The following ATP5ME variants were observed in gnomAD, a reference collection of about 807,000 sequenced individuals.
ATP5ME encodes ATP synthase F(0) complex subunit e, mitochondrial.
ATP5ME carries 10 observed loss-of-function variants against 11.6 expected under a neutral mutation model. The observed-to-expected ratio is 0.86, with a 90% confidence interval of 0.53 to 1.46. The LOEUF is 1.46. Among genes scored for constraint, ATP5ME ranks in the 40% most tolerant of loss-of-function variants. The probability of loss-of-function intolerance (pLI) is 0.00; values close to 1 mark genes in which losing one functional copy is unlikely to be tolerated. For synonymous variants in ATP5ME, 45 were observed against 33.5 expected, an observed-to-expected ratio of 1.34 and a Z score of -1.19; for missense variants, 115 against 85.4, an observed-to-expected ratio of 1.35 and a Z score of -1.37.
chr4:672,861 C>A (rs559179114), intron 3 of ATP5ME, among the ~76,000 whole-genome samples: 1 of 152,244 alleles, frequency 6.6e-6, no homozygotes, highest in South Asian at 2.1e-4. Context: ...AATTCTCATG[C>A]CTCAGCTTTC....
chr4:673,110 C>G (rs1456199512), intron 3 of ATP5ME, among the ~76,000 whole-genome samples, 193 bp downstream of exon 3: 2 of 152,252 alleles, frequency 1.3e-5, no homozygotes, highest in East Asian at 1.9e-4. Flanking sequence ...TCTTGAACTC[C>G]TAACCTCAGG....
rs1274702474 is a variant in ATP5ME at position 673,895 on chromosome 4, C to G, written c.91+17G>C. The stretch of plus-strand genomic sequence containing the variant: ...AGCCGAGCAGACCCCGCCCCGGCCC[C>G]GCCCGCGGTCACTCACTGTAGCGCG... On this transcript the variant is annotated intron_variant, in intron 2 of 3. Transcript: ENST00000304312. 1.9e-6 allele frequency: 3 copies of G among 1,545,800 alleles called. No individual in the cohort carries two copies. Among genetic ancestry groups the G allele is most frequent in the African/African-American group, 1.4e-5 (1 of 73,140 alleles).
At chr4:674,062 G>A (rs13145071) in intron 1 of ATP5ME, 96 bp from the exon 2 acceptor site, 5 of 1,481,266 alleles carry the variant, frequency 3.4e-6, no homozygotes, top group Non-Finnish European at 4.5e-6. Context: ...AGAGGTCGCA[G>A]GAGGGGTGGG....
chr4:673,770 G>T, intron 2 of ATP5ME, 142 bp downstream of exon 2: 1 of 1,198,016 alleles, frequency 8.3e-7, no homozygotes, highest in Non-Finnish European at 1.2e-6. Context: ...CCACTATCGG[G>T]GTCACGCTCG....
At position 673,950 on chromosome 4, in the gene ATP5ME, G is replaced by A; in HGVS notation, c.53C>T (p.Ala18Val). The A allele has an allele frequency of 6.5e-7, 1 of 1,545,684 alleles. No individual in the cohort carries two copies. The highest frequency in any genetic ancestry group is 8.7e-7 in the Non-Finnish European group (1 of 1,146,816). Reference protein sequence around the residue: ...SPLIKLGRYSALFLGVAYGAT... With the variant: ...SPLIKLGRYSVLFLGVAYGAT... ...TCCGTAGGCCACACCGAGGAACAGG[G>A]CGGAGTAGCGGCCGAGCTGCGAAAG... Residue 18 changes from alanine to valine, a missense_variant, in exon 2 of 4, where the codon GCC (alanine) becomes GTC (valine). Coordinates refer to ENST00000304312, the MANE Select transcript of ATP5ME (RefSeq NM_007100.4).
At chr4:674,058 C>T in intron 1 of ATP5ME, 92 bp from the exon 2 acceptor site, 1 of 1,442,320 alleles carries the variant, frequency 6.9e-7, no homozygotes, top group South Asian at 1.3e-5. Context: ...GGGCAGAGGT[C>T]GCAGGAGGGG....
intron 2 of ATP5ME, 107 bp downstream of exon 2, chr4:673,805 C>G: frequency 7.1e-7 from 1 of 1,406,312 alleles, no homozygotes; most frequent in Non-Finnish European, 9.7e-7. Context: ...CCTGCAGCCT[C>G]GCATGCGTCC....
At chr4:673,533 G>T (rs548148271) in intron 2 of ATP5ME, 132 bp from the exon 3 acceptor site, 185 of 1,463,658 alleles carry the variant, frequency 1.3e-4, no homozygotes, top group Non-Finnish European at 1.5e-4. Context: ...TTATGTTAAT[G>T]CGAGTCAACG....
At chr4:672,840 C>G (rs540915856) in intron 3 of ATP5ME, among the ~76,000 whole-genome samples, 53 of 152,292 alleles carry the variant, frequency 3.5e-4, no homozygotes, top group African/African-American at 1.2e-3. Context: ...CTCCGCCTCC[C>G]GGGTTCAAGC....
Position 673,963 on chromosome 4 carries a change from C to T in ATP5ME, c.40G>A (p.Gly14Ser). ...PVQVSPLIKL[G>S]RYSALFLGVA... Reference sequence around the variant, plus strand: ...CCGAGGAACAGGGCGGAGTAGCGGCCGAGCTGCGAAAGAGGTTGGTCAGAG... The same window carrying T: ...CCGAGGAACAGGGCGGAGTAGCGGCTGAGCTGCGAAAGAGGTTGGTCAGAG... Residue 14 changes from glycine to serine, a missense_variant, in exon 2 of 4, where the codon GGC becomes AGC. Coordinates refer to ENST00000304312, the MANE Select transcript of ATP5ME (RefSeq NM_007100.4). 1 of 1,545,008 alleles carries T rather than the reference C, an allele frequency of 6.5e-7. No homozygotes were observed. Among genetic ancestry groups the T allele is most frequent in the South Asian group, 1.2e-5 (1 of 84,032 alleles).
At chr4:673,625 C>G in intron 2 of ATP5ME, 1 of 810,492 alleles carries the variant, frequency 1.2e-6, no homozygotes, top group Non-Finnish European at 1.9e-6. Context: ...CTCACTCGTC[C>G]TCTGCGAACA....
Position 673,376 on chromosome 4 carries a change from C to T in ATP5ME, c.117G>A (p.Glu39=), listed in dbSNP as rs780085696. ...RYNYLKPRAE[E]ERRIAAEEKK... ...TCTCTTCTGCTGCTATCCTCCTCTC[C>T]TCTTCTGCCCGAGGTTTTAGGTAAT... Residue 39 remains glutamate, a synonymous_variant, in exon 3 of 4, where the codon GAG becomes GAA. Coordinates refer to ENST00000304312, the MANE Select transcript of ATP5ME (RefSeq NM_007100.4). 1.2e-5 allele frequency: 20 copies of T among 1,614,188 alleles called. No homozygotes were observed. Among genetic ancestry groups the T allele is most frequent in the Non-Finnish European group, 1.7e-5 (20 of 1,180,026 alleles).
intron 1 of ATP5ME, 38 bp from the exon 2 acceptor site, chr4:674,004 G>A: frequency 1.3e-6 from 2 of 1,539,352 alleles, no homozygotes; most frequent in East Asian, 2.4e-5. Context: ...GCGAAACGGG[G>A]CTCGCGGGAC....
chr4:673,591 G>C lies in ATP5ME; in HGVS notation c.92-190C>G, dbSNP rs992142228. ...CCAACCCAGAGGCTACAGGGCCCCT[G>C]CTGCCCACCCGCTCACGCACTGGCT... On this transcript the variant is annotated intron_variant, in intron 2 of 3. Transcript: ENST00000304312. The C allele has an allele frequency of 1.9e-5, 19 of 1,003,260 alleles. 1 individual carries two copies. Among genetic ancestry groups the C allele is most frequent in the Middle Eastern group, 6.4e-4 (2 of 3,116 alleles). 62.1% of individuals were successfully genotyped at this position (1,003,260 alleles called of 1,614,324 possible).
At chr4:673,786 G>C (rs1027636252) in intron 2 of ATP5ME, 126 bp downstream of exon 2, 3 of 1,313,216 alleles carry the variant, frequency 2.3e-6, no homozygotes, top group Non-Finnish European at 3.2e-6. Flanking sequence ...GCTCGGTGGA[G>C]GACACGGTCC....
At chr4:673,736 G>A (rs1738641067) in intron 2 of ATP5ME, 176 bp downstream of exon 2, 10 of 1,029,018 alleles carry the variant, frequency 9.7e-6, no homozygotes, top group Non-Finnish European at 1.4e-5. Context: ...GGCCTCAGAA[G>A]CCTGAGCTTT....
intron 2 of ATP5ME, chr4:673,656 C>T: frequency 2.6e-6 from 2 of 756,596 alleles, no homozygotes; most frequent in Non-Finnish European, 4.3e-6. Flanking sequence ...CCCATCAAGA[C>T]CTCAGCACTC....
In ATP5ME at chr4:673,360, C is replaced by T. The variant is rs1351173289; in HGVS notation, c.133G>A (p.Ala45Thr). The part of the protein sequence containing the change: ...PRAEEERRIA[A>T]EEKKKQDELK... The stretch of plus-strand genomic sequence containing the variant: ...TCATCCTGCTTCTTCTTCTCTTCTG[C>T]TGCTATCCTCCTCTCCTCTTCTGCC... Residue 45 changes from alanine (A) to threonine (T), a missense_variant, in exon 3 of 4, where the codon GCA becomes ACA. By Grantham distance (58) the Ala-to-Thr change is moderately conservative. Coordinates refer to ENST00000304312, the MANE Select transcript of ATP5ME (RefSeq NM_007100.4). The T allele has an allele frequency of 6.2e-7, 1 of 1,614,188 alleles. No homozygotes were observed. Among genetic ancestry groups the T allele is most frequent in the Non-Finnish European group, 8.5e-7 (1 of 1,180,012 alleles).
At chr4:674,027 A>T in intron 1 of ATP5ME, 61 bp from the exon 2 acceptor site, 1 of 930,856 alleles carries the variant, frequency 1.1e-6, no homozygotes, top group Non-Finnish European at 1.6e-6. Flanking sequence ...GGGTCGCGGG[A>T]GGAGGGGGGG....
Sources: allele counts gnomAD v4.1 joint callset (sites outside exome capture counted in the v4.1 genomes callset), GRCh38; gene constraint gnomAD v4.1.1; transcripts MANE v1.5; gene names NCBI Gene and HGNC (gene_info 2026-07-23, HGNC 2026-07-21).